Variants in SORCS1 observed in about 807,000 individuals in gnomAD.
SORCS1 encodes sortilin related VPS10 domain containing receptor 1, also known as VPS10 domain-containing receptor SorCS1.
A neutral mutation model predicts 146.1 loss-of-function variants in SORCS1; 60 were observed. That is an observed-to-expected ratio of 0.41 (90% CI 0.33 to 0.51). The LOEUF is 0.51. Among genes scored for constraint, SORCS1 ranks in the 20% least tolerant of loss-of-function variants. SORCS1 has a pLI of 0.21. For synonymous variants in SORCS1, 637 were observed against 584.0 expected (o/e 1.09, Z -1.31); for missense variants, 1,352 against 1,487.6 (o/e 0.91, Z 1.50).
chr10:106,688,723 T>TAGCACCCAGATCTCACTG (rs1853066033), intron 9 of SORCS1, among the ~76,000 whole-genome samples: 1 of 152,210 alleles, frequency 6.6e-6, no homozygotes, highest in Non-Finnish European at 1.5e-5. Context: ...AGATCTCACT[T>TAGCACCCAGATCTCACTG]AATCCTTAAA....
In SORCS1 at chr10:106,622,651, A is replaced by G. The variant is rs141002295; in HGVS notation, c.2663-2090T>C. Among the ~76,000 whole-genome samples, 782 of 152,336 alleles carry G rather than the reference A, an allele frequency of 5.1e-3. 4 individuals are homozygous for G. The highest frequency in any genetic ancestry group is 0.013 in the South Asian group (61 of 4,826). On this transcript the variant is annotated intron_variant, in intron 19 of 25. Coordinates refer to ENST00000263054, the MANE Select transcript of SORCS1 (RefSeq NM_052918.5). ...TTATAAGCCAGAGCAGTTCAATGAA[A>G]TAATAAAAGGGTAACATTTACTGAG...
chr10:106,913,161 ATTC>A (rs1411167449), intron 2 of SORCS1, among the ~76,000 whole-genome samples: 2 of 152,190 alleles, frequency 1.3e-5, no homozygotes, highest in East Asian at 3.9e-4. Flanking sequence ...CTCCATGTCA[ATTC>A]TCTTCAGAGT....
chr10:107,162,256 C>T (rs1270533229), intron 1 of SORCS1, among the ~76,000 whole-genome samples: 1 of 152,170 alleles, frequency 6.6e-6, no homozygotes, highest in Non-Finnish European at 1.5e-5. Flanking sequence ...AAGCCAGAAA[C>T]ATTCTGAGTC....
chr10:106,655,053 C>G (rs531261224), intron 17 of SORCS1, among the ~76,000 whole-genome samples: 1 of 152,248 alleles, frequency 6.6e-6, no homozygotes, highest in Admixed American at 6.5e-5. Context: ...GATGGCATTT[C>G]ACCATATTGG....
chr10:106,806,384 AAAAATAAAATAAAAT>A (rs201338721), intron 3 of SORCS1, among the ~76,000 whole-genome samples: 4,221 of 139,674 alleles, frequency 0.03, 205 homozygotes, highest in African/African-American at 0.1. Flanking sequence ...AAAATAAAAT[AAAAATAAAATAAAAT>A]AAAATAAAAT....
At chr10:106,917,997 T>C (rs1168683658) in intron 2 of SORCS1, among the ~76,000 whole-genome samples, 2 of 152,172 alleles carry the variant, frequency 1.3e-5, no homozygotes, top group African/African-American at 4.8e-5. Flanking sequence ...AGTACATAAA[T>C]TTTTATCTTA....
At chr10:107,144,354 TAA>T (rs1968115254) in intron 1 of SORCS1, among the ~76,000 whole-genome samples, 1 of 152,220 alleles carries the variant, frequency 6.6e-6, no homozygotes, top group Non-Finnish European at 1.5e-5. Flanking sequence ...ATGATAGGGT[TAA>T]TAATACTAAA....
intron 1 of SORCS1, among the ~76,000 whole-genome samples, chr10:107,023,063 T>G (rs2133881686): frequency 6.6e-6 from 1 of 152,314 alleles, no homozygotes; most frequent in Non-Finnish European, 1.5e-5. Context: ...CAGTATGTGT[T>G]CAGTAGAGAG....
intron 2 of SORCS1, among the ~76,000 whole-genome samples, chr10:106,938,399 G>C (rs1953862294): frequency 6.6e-6 from 1 of 152,184 alleles, no homozygotes; most frequent in South Asian, 2.1e-4. Context: ...TTTATGTTTG[G>C]AGAGATGGGG....
intron 18 of SORCS1, among the ~76,000 whole-genome samples, chr10:106,646,737 T>C (rs1171836304): frequency 6.6e-6 from 1 of 152,048 alleles, no homozygotes; most frequent in African/African-American, 2.4e-5. Flanking sequence ...CTTTCAAATT[T>C]TGATTGACAA....
intron 2 of SORCS1, among the ~76,000 whole-genome samples, chr10:106,951,551 G>C (rs1012425544): frequency 6.7e-5 from 10 of 149,500 alleles, no homozygotes; most frequent in African/African-American, 2.2e-4. Flanking sequence ...GGAGGACAGA[G>C]CCTATCTGCT....
the SORCS1 span, among the ~76,000 whole-genome samples, chr10:107,177,445 A>G: frequency 6.6e-6 from 1 of 152,194 alleles, no homozygotes; most frequent in Non-Finnish European, 1.5e-5. Flanking sequence ...GAACATTCTC[A>G]TCACCGCAAA....
chr10:106,730,727 ATAT>A (rs1856535301), intron 5 of SORCS1, among the ~76,000 whole-genome samples: 2 of 152,332 alleles, frequency 1.3e-5, no homozygotes, highest in African/African-American at 2.4e-5. Context: ...TTGGAGACAC[ATAT>A]TATTTTGTGT....
At chr10:106,689,542 T>C (rs558184114) in intron 9 of SORCS1, among the ~76,000 whole-genome samples, 118 of 152,258 alleles carry the variant, frequency 7.7e-4, no homozygotes, top group African/African-American at 2.7e-3. Context: ...CTACTTAACT[T>C]GGGCCCTTTA....
intron 5 of SORCS1, among the ~76,000 whole-genome samples, chr10:106,747,779 C>T (rs1857850888): frequency 1.3e-5 from 2 of 152,088 alleles, no homozygotes; most frequent in African/African-American, 4.8e-5. Flanking sequence ...TATATATTTT[C>T]CAATAGCAAG....
chr10:106,747,799 T>G (rs1857852416), intron 5 of SORCS1, among the ~76,000 whole-genome samples: 1 of 152,192 alleles, frequency 6.6e-6, no homozygotes, highest in Non-Finnish European at 1.5e-5. Context: ...GAGGAGAGGA[T>G]ATAGAATGAT....
intron 6 of SORCS1, among the ~76,000 whole-genome samples, chr10:106,729,795 G>A (rs960839105): frequency 6.6e-6 from 1 of 152,042 alleles, no homozygotes; most frequent in African/African-American, 2.4e-5. Flanking sequence ...ATGTCTTCAT[G>A]CCTAAATCAC....
intron 19 of SORCS1, among the ~76,000 whole-genome samples, chr10:106,627,334 A>C (rs1261127502): frequency 6.6e-6 from 1 of 152,206 alleles, no homozygotes; most frequent in East Asian, 1.9e-4. Flanking sequence ...TAGATGTATA[A>C]CAAATTTGTG....
intron 7 of SORCS1, among the ~76,000 whole-genome samples, chr10:106,707,056 C>G (rs1854583609): frequency 6.6e-6 from 1 of 152,122 alleles, no homozygotes; most frequent in Admixed American, 6.5e-5. Flanking sequence ...TCTCTGGGCA[C>G]TGAATTCCAG....
Sources: allele counts gnomAD v4.1 joint callset (sites outside exome capture counted in the v4.1 genomes callset), GRCh38; gene constraint gnomAD v4.1.1; transcripts MANE v1.5; gene names NCBI Gene and HGNC (gene_info 2026-07-23, HGNC 2026-07-21).